The following ENTPD5 variants were observed in gnomAD, a reference collection of about 807,000 sequenced individuals.
ENTPD5 encodes nucleoside diphosphate phosphatase ENTPD5.
In ENTPD5, 49 loss-of-function variants were observed where a neutral mutation model predicts 60.2. That is an observed-to-expected ratio of 0.81 (90% CI 0.65 to 1.03). ENTPD5 has a LOEUF of 1.03. Among genes scored for constraint, ENTPD5 ranks in the 50% least tolerant of loss-of-function variants. The probability of loss-of-function intolerance (pLI) is 0.00; values close to 1 mark genes in which losing one functional copy is unlikely to be tolerated. For synonymous variants in ENTPD5, 187 were observed against 185.4 expected (o/e 1.01, Z -0.07); for missense variants, 480 against 507.6 (o/e 0.95, Z 0.52).
chr14:73,962,775 C>G (rs1228778263), downstream of ENTPD5: 1 of 608,790 alleles, frequency 1.6e-6, no homozygotes, highest in Admixed American at 2.9e-5. Context: ...TATGATCACA[C>G]CACTGCACTC....
downstream of ENTPD5, chr14:73,955,435 A>G (rs543414440): frequency 4.3e-6 from 7 of 1,612,522 alleles, no homozygotes; most frequent in East Asian, 4.5e-5. Flanking sequence ...TGGTCTATAG[A>G]TCCTTTCTTT....
downstream of ENTPD5, chr14:73,959,758 T>C: frequency 1.7e-6 from 2 of 1,154,526 alleles, no homozygotes; most frequent in South Asian, 1.6e-5. Flanking sequence ...TTAGTAGAGA[T>C]GAGGTTTCAC....
chr14:73,986,853 C>T lies in ENTPD5; in HGVS notation c.258G>A (p.Val86=). Residue 86 remains valine (V), a synonymous_variant, in exon 5 of 16, where the codon GTG becomes GTA. Transcript: ENST00000334696. Reference sequence around the variant, plus strand: ...CTACAAAAGCAGAAAGTCCTGGCTTCACAGAATCAAAAACTTCCCCTTCTA... The same window carrying T: ...CTACAAAAGCAGAAAGTCCTGGCTTTACAGAATCAAAAACTTCCCCTTCTA... The part of the protein sequence containing the change: ...PILEGEVFDS[V]KPGLSAFVDQ... The T allele has an allele frequency of 6.2e-7, 1 of 1,614,114 alleles. No homozygotes were observed. The highest frequency in any genetic ancestry group is 1.3e-5 in the African/African-American group (1 of 75,036).
chr14:73,955,960 T>C (rs1299730535), downstream of ENTPD5: 1 of 1,613,462 alleles, frequency 6.2e-7, no homozygotes, highest in Non-Finnish European at 8.5e-7. Context: ...TTGCATTCAT[T>C]GGGAAGTGAA....
chr14:73,957,935 T>C, downstream of ENTPD5: 3 of 533,692 alleles, frequency 5.6e-6, no homozygotes, highest in Non-Finnish European at 1.0e-5. Context: ...CAGAGTTCAC[T>C]GAGAACTTCA....
In ENTPD5 at chr14:73,966,869, C is replaced by T. The variant is rs1302718028; in HGVS notation, c.*59G>A. The T allele has an allele frequency of 3.1e-5, 41 of 1,301,828 alleles. No individual in the cohort carries two copies. Among genetic ancestry groups the T allele is most frequent in the Non-Finnish European group, 4.3e-5 (39 of 899,834 alleles). 80.6% of individuals were successfully genotyped at this position (1,301,828 alleles called of 1,614,324 possible). Reference sequence around the variant, plus strand: ...CCCAGACTAGTTCAGAAACTAAGTGCTCTCTCCTCCCCTTAAAAAGGTGTT... The same window carrying T: ...CCCAGACTAGTTCAGAAACTAAGTGTTCTCTCCTCCCCTTAAAAAGGTGTT... On this transcript the variant is annotated 3_prime_UTR_variant, in exon 16 of 16. Transcript: ENST00000334696.
Position 73,991,625 on chromosome 14 carries a change from A to G in ENTPD5, c.-70-3453T>C, listed in dbSNP as rs199912881. Reference sequence around the variant, plus strand: ...ACAATAACCAAAAAAAAAAAAAAAAAACAATTAGGGCTTGATGTGGGCGCT... The same window carrying G: ...ACAATAACCAAAAAAAAAAAAAAAAGACAATTAGGGCTTGATGTGGGCGCT... On this transcript the variant is annotated intron_variant, in intron 3 of 15. Coordinates refer to ENST00000334696, the MANE Select transcript of ENTPD5 (RefSeq NM_001249.5). Among the ~76,000 whole-genome samples the G allele has an allele frequency of 3.3e-3, 422 of 127,810 alleles. 4 individuals are homozygous for G. The highest frequency in any genetic ancestry group is 0.014 in the Middle Eastern group (3 of 214). 83.8% of individuals were successfully genotyped at this position (127,810 alleles called of 152,430 possible). A position where few individuals can be genotyped will look rare whatever the true frequency, so the allele number is the denominator to read the frequency against.
intron 5 of ENTPD5, among the ~76,000 whole-genome samples, chr14:73,984,967 A>T (rs2057840956): frequency 6.6e-6 from 1 of 151,774 alleles, no homozygotes; most frequent in African/African-American, 2.4e-5. Flanking sequence ...TTCAATTCCC[A>T]CCTATGAGTG....
At chr14:73,976,835 G>A (rs1295575004) in intron 8 of ENTPD5, among the ~76,000 whole-genome samples, 189 bp downstream of exon 8, 1 of 152,098 alleles carries the variant, frequency 6.6e-6, no homozygotes, top group African/African-American at 2.4e-5. Flanking sequence ...TGAACTCCTG[G>A]CCTCAAGTGA....
At chr14:73,995,585 A>AAATAATAATAAT (rs34846091) in intron 3 of ENTPD5, among the ~76,000 whole-genome samples, 11,126 of 144,112 alleles carry the variant, frequency 0.077, 647 homozygotes, top group African/African-American at 0.16. Flanking sequence ...ACTCTATCTC[A>AAATAATAATAAT]AATAATAATA....
intron 1 of ENTPD5, 26 bp downstream of exon 1, chr14:74,019,224 G>C (rs954408767): frequency 5.8e-6 from 1 of 172,202 alleles, no homozygotes; most frequent in African/African-American, 2.4e-5. Context: ...TAGAGGATCC[G>C]GCGCCGCCGA....
At chr14:73,997,063 C>T (rs1349688908) in intron 3 of ENTPD5, among the ~76,000 whole-genome samples, 1 of 152,012 alleles carries the variant, frequency 6.6e-6, no homozygotes, top group Non-Finnish European at 1.5e-5. Flanking sequence ...AGAAACTTGG[C>T]TTGGAAGGGG....
rs1490357466 is a variant in ENTPD5, at chr14:73,986,896, A to G, written c.218-3T>C. 1.2e-6 allele frequency: 2 copies of G among 1,612,770 alleles called. No homozygotes were observed. The highest frequency in any genetic ancestry group is 3.3e-5 in the Admixed American group (2 of 59,996). On this transcript the variant is annotated splice_region_variant and splice_polypyrimidine_tract_variant and intron_variant, in intron 4 of 15. Transcript: ENST00000334696. ...CCCTTCTAGAATTGGAAGCTGTCCT[A>G]TTTTGTCCATGGAACAAAACAGAAG... is the stretch of plus-strand genomic sequence containing the variant.
At chr14:73,967,799 CAAAA>C (rs33926682) in intron 15 of ENTPD5, among the ~76,000 whole-genome samples, 16 of 97,826 alleles carry the variant, frequency 1.6e-4, no homozygotes, top group Non-Finnish European at 2.0e-4. Flanking sequence ...GACCCTGTCT[CAAAA>C]AAAAAAAAAA....
chr14:73,969,712 T>A (rs914895614), intron 15 of ENTPD5, among the ~76,000 whole-genome samples: 3 of 90,388 alleles, frequency 3.3e-5, no homozygotes, highest in African/African-American at 6.4e-5. Context: ...CTCAAAAAAA[T>A]AATAATAAAT....
At chr14:73,957,942 T>C, downstream of ENTPD5, 1 of 551,424 alleles carries the variant, frequency 1.8e-6, no homozygotes, top group Non-Finnish European at 3.3e-6. Context: ...CACTGAGAAC[T>C]TCAATGTCTT....
In ENTPD5 at chr14:73,964,460, G is replaced by GAGTT. The variant is rs1168186671; in HGVS notation, c.*2464_*2467dup. On this transcript the variant is annotated 3_prime_UTR_variant, in exon 16 of 16. Transcript: ENST00000334696. ...GGTTAACAAAATAGGTAAGTTCGTG[G>GAGTT]AGTTAGAATGCATCTTCCCTGGAGT... is the stretch of plus-strand genomic sequence containing the variant. 1 of 152,196 alleles carries GAGTT rather than the reference G, an allele frequency of 6.6e-6. No homozygotes were observed. The highest frequency in any genetic ancestry group is 2.4e-5 in the African/African-American group (1 of 41,442). The allele number at this position is 152,196 out of a possible 1,614,324, so 9.4% of individuals were successfully genotyped here.
At chr14:73,976,102 A>T in intron 9 of ENTPD5, 87 bp from the exon 10 acceptor site, 1 of 1,153,536 alleles carries the variant, frequency 8.7e-7, no homozygotes, top group East Asian at 2.3e-5. Context: ...CCCAGCAAAA[A>T]ATCAGAGATG....
At chr14:73,967,549 G>A (rs910118852) in intron 15 of ENTPD5, among the ~76,000 whole-genome samples, 2 of 152,026 alleles carry the variant, frequency 1.3e-5, no homozygotes, top group Non-Finnish European at 2.9e-5. Context: ...GCTCATGCCT[G>A]TACTCCTGGC....
Sources: allele counts gnomAD v4.1 joint callset (sites outside exome capture counted in the v4.1 genomes callset), GRCh38; gene constraint gnomAD v4.1.1; transcripts MANE v1.5; gene names NCBI Gene and HGNC (gene_info 2026-07-23, HGNC 2026-07-21).